The following PDE6C variants were observed in gnomAD, a reference collection of about 807,000 sequenced individuals.
PDE6C encodes the protein cone cGMP-specific 3',5'-cyclic phosphodiesterase subunit alpha'.
PDE6C carries 75 observed loss-of-function variants against 113.1 expected under a neutral mutation model. The ratio of observed to expected loss-of-function variants is 0.66; its 90% CI spans 0.55 to 0.80. The LOEUF is 0.80. Ranked by LOEUF, PDE6C falls within the 30% of genes least tolerant of loss-of-function variation. PDE6C has a pLI of 0.00. For synonymous variants in PDE6C, 375 were observed against 363.7 expected (o/e 1.03, Z -0.35); for missense variants, 912 against 1,038.6 (o/e 0.88, Z 1.67).
intron 15 of PDE6C, among the ~76,000 whole-genome samples, chr10:93,650,725 A>G (rs574157281): frequency 1.3e-5 from 2 of 152,354 alleles, no homozygotes; most frequent in African/African-American, 2.4e-5. Flanking sequence ...TCTAAAATGA[A>G]TAACAAATGA....
intron 4 of PDE6C, among the ~76,000 whole-genome samples, chr10:93,623,626 A>G (rs2058459057): frequency 6.6e-6 from 1 of 152,090 alleles, no homozygotes; most frequent in South Asian, 2.1e-4. Context: ...ATTTTGAGTT[A>G]TTTTTTGTGA....
chr10:93,629,387 G>C (rs1157461156), intron 8 of PDE6C, 82 bp downstream of exon 8: 6 of 1,025,982 alleles, frequency 5.8e-6, no homozygotes, highest in Admixed American at 1.7e-5. Flanking sequence ...CACCCCCAGA[G>C]TCCGCCTGAT....
At chr10:93,643,233 G>T (rs1320505383) in intron 14 of PDE6C, among the ~76,000 whole-genome samples, 1 of 152,120 alleles carries the variant, frequency 6.6e-6, no homozygotes, top group East Asian at 1.9e-4. Flanking sequence ...CTCCAGGTTT[G>T]CAGGAAAGAT....
rs2058536729 is a variant in PDE6C, at chr10:93,637,058, AT to A, written c.1481del (p.Leu494Ter). The A allele has an allele frequency of 6.3e-7, 1 of 1,581,032 alleles. No homozygotes were observed. Among genetic ancestry groups the A allele is most frequent in the Non-Finnish European group, 8.7e-7 (1 of 1,150,224 alleles). On this transcript the variant is annotated frameshift_variant, in exon 11 of 22. Transcript: ENST00000371447. LOFTEE classifies it high-confidence loss of function. The stretch of plus-strand genomic sequence containing the variant: ...CTGTGAAGAAAAACAACTTGTTGCA[AT>A]TTTGGTAAGTGTTTTCTTTCTAACC... ...DDCEEKQLVA[I>X]LKEDLPDPRS...
intron 3 of PDE6C, 138 bp from the exon 4 acceptor site, chr10:93,621,792 CAT>C (rs1227910899): frequency 2.6e-6 from 2 of 758,098 alleles, no homozygotes; most frequent in Non-Finnish European, 2.3e-6. Flanking sequence ...TGGATGTACA[CAT>C]GTTCAAAATC....
intron 1 of PDE6C, among the ~76,000 whole-genome samples, chr10:93,619,293 GA>G (rs538741064): frequency 2.0e-5 from 3 of 150,276 alleles, no homozygotes; most frequent in East Asian, 1.9e-4. Flanking sequence ...CCCAGAGAAA[GA>G]AAAAAAAATA....
chr10:93,634,311 C>T (rs1012239031), intron 8 of PDE6C, among the ~76,000 whole-genome samples: 1 of 152,102 alleles, frequency 6.6e-6, no homozygotes, highest in South Asian at 2.1e-4. Context: ...CTGTGCCCAG[C>T]CTTTTTCTTT....
intron 15 of PDE6C, among the ~76,000 whole-genome samples, chr10:93,647,482 G>A (rs965989605): frequency 6.6e-6 from 1 of 152,168 alleles, no homozygotes; most frequent in Non-Finnish European, 1.5e-5. Flanking sequence ...AAAACTGCTT[G>A]CGTTGTTTTA....
chr10:93,632,149 A>G (rs2058504816), intron 8 of PDE6C, among the ~76,000 whole-genome samples: 1 of 152,132 alleles, frequency 6.6e-6, no homozygotes, highest in South Asian at 2.1e-4. Flanking sequence ...TCCTTCTCCC[A>G]TTCTGATTCT....
At chr10:93,662,898 G>A in intron 20 of PDE6C, 130 bp from the exon 21 acceptor site, 1 of 810,460 alleles carries the variant, frequency 1.2e-6, no homozygotes, top group South Asian at 1.5e-5. Context: ...AACTTCATAG[G>A]CCCGTGGTTA....
intron 15 of PDE6C, among the ~76,000 whole-genome samples, chr10:93,650,272 G>T: frequency 6.6e-6 from 1 of 151,912 alleles, no homozygotes; most frequent in South Asian, 2.1e-4. Context: ...TTAGAGATGG[G>T]GTCTTGCTCT....
At position 93,634,913 on chromosome 10, in the gene PDE6C, T is replaced by C. The variant is rs2058520618; in HGVS notation, c.1269+6T>C. On this transcript the variant is annotated splice_donor_region_variant and intron_variant, in intron 9 of 21. Transcript: ENST00000371447. ...ATGATGAATACATTACCGAGGCAAG[T>C]GCAATAATAAGATAATGGAAGTCAA... 6.2e-7 allele frequency: 1 copy of C among 1,613,820 alleles called. No individual in the cohort carries two copies. The highest frequency in any genetic ancestry group is 8.5e-7 in the Non-Finnish European group (1 of 1,179,860).
At chr10:93,644,367 T>C (rs1438408532) in intron 14 of PDE6C, among the ~76,000 whole-genome samples, 1 of 152,150 alleles carries the variant, frequency 6.6e-6, no homozygotes, top group Non-Finnish European at 1.5e-5. Flanking sequence ...GAATTAAAGA[T>C]ACCACTCCTT....
In PDE6C at chr10:93,663,133, G is replaced by A. The variant is rs757548896; in HGVS notation, c.2473G>A (p.Val825Ile). 6.2e-7 allele frequency: 1 copy of A among 1,613,612 alleles called. No individual in the cohort carries two copies. Among genetic ancestry groups the A allele is most frequent in the African/African-American group, 1.3e-5 (1 of 74,870 alleles). Residue 825 changes from valine to isoleucine, a missense_variant, in exon 21 of 22, where the codon GTC becomes ATC. Physicochemically the swap from Val to Ile is conservative, Grantham distance 29. Coordinates refer to ENST00000371447, the MANE Select transcript of PDE6C (RefSeq NM_006204.4). ...LADEYDAKMK[V>I]IEEEAKKQEG... The stretch of plus-strand genomic sequence containing the variant: ...TGATGAGTATGATGCAAAGATGAAG[G>A]TCATTGAAGAGGAGGCAAAAAAGCA...
At chr10:93,655,646 A>C (rs1564805081) in intron 15 of PDE6C, 114 bp from the exon 16 acceptor site, 16 of 652,694 alleles carry the variant, frequency 2.5e-5, no homozygotes, top group East Asian at 1.1e-4. Context: ...AAACAAAAAA[A>C]AAACAAACAA....
intron 15 of PDE6C, among the ~76,000 whole-genome samples, chr10:93,650,237 G>A (rs1004934542): frequency 9.2e-5 from 14 of 152,210 alleles, no homozygotes; most frequent in African/African-American, 3.4e-4. Context: ...CTCATGTTGT[G>A]TATATCCATG....
chr10:93,646,212 C>T (rs979574380), intron 15 of PDE6C, among the ~76,000 whole-genome samples, 165 bp downstream of exon 15: 3 of 152,110 alleles, frequency 2.0e-5, no homozygotes, highest in Non-Finnish European at 2.9e-5. Flanking sequence ...AGTTTTTGAA[C>T]AGCCAAGTTG....
intron 15 of PDE6C, among the ~76,000 whole-genome samples, chr10:93,654,762 C>CTT (rs772034152): frequency 2.2e-4 from 9 of 40,238 alleles, no homozygotes; most frequent in Non-Finnish European, 4.0e-4. Flanking sequence ...TTCTTTCTTT[C>CTT]TTTCTTTCTT....
In PDE6C at chr10:93,637,072, T is replaced by C. The variant is rs201702907; in HGVS notation, c.1482+9T>C. 51 of 1,509,646 alleles carry C rather than the reference T, an allele frequency of 3.4e-5. No homozygotes were observed. The highest frequency in any genetic ancestry group is 4.7e-5 in the Non-Finnish European group (51 of 1,085,496). 93.5% of individuals were successfully genotyped at this position (1,509,646 alleles called of 1,614,324 possible). On this transcript the variant is annotated intron_variant, in intron 11 of 21. Transcript: ENST00000371447. ...AACTTGTTGCAATTTTGGTAAGTGT[T>C]TTCTTTCTAACCTTAATGCCTGTTA...
Sources: gnomAD v4.1 joint callset for allele counts (sites outside exome capture counted in the v4.1 genomes callset) on GRCh38, gnomAD v4.1.1 for gene constraint, MANE v1.5 for transcripts, NCBI Gene and HGNC (gene_info 2026-07-23, HGNC 2026-07-21) for gene names.